Variants in INPP5F observed in about 807,000 individuals in gnomAD.
INPP5F encodes inositol polyphosphate-5-phosphatase F.
INPP5F carries 97 observed loss-of-function variants against 137.2 expected under a neutral mutation model. The observed-to-expected ratio is 0.71, with a 90% CI of 0.60 to 0.84. INPP5F has a LOEUF of 0.84. Ranked by LOEUF, INPP5F falls within the 40% of genes least tolerant of loss-of-function variation. The probability of loss-of-function intolerance (pLI) is 0.00; values close to 1 mark genes in which losing one functional copy is unlikely to be tolerated. For synonymous variants in INPP5F, 504 were observed against 476.9 expected (o/e 1.06, Z -0.74); for missense variants, 1,271 against 1,371.9 (o/e 0.93, Z 1.16).
rs773824847 is a variant in INPP5F, at chr10:119,827,777, T to A, written c.3396T>A (p.Ile1132=). ...FIQCQTRIIQ[I] is the part of the protein sequence containing the mutation. The stretch of plus-strand genomic sequence containing the variant: ...AATGCCAGACACGGATAATTCAGAT[T>A]TAGCTTTTAGCCATAAGAATCCTTC... Residue 1132 remains isoleucine (I), a synonymous_variant, in exon 20 of 20, where the codon ATT becomes ATA. Transcript: ENST00000650623. The A allele has an allele frequency of 1.3e-6, 2 of 1,588,846 alleles. No homozygotes were observed. The highest frequency in any genetic ancestry group is 2.2e-5 in the East Asian group (1 of 44,784).
In INPP5F at chr10:119,822,469, G is replaced by T; in HGVS notation, c.1997G>T (p.Arg666Leu). 2 of 1,534,174 alleles carry T rather than the reference G, an allele frequency of 1.3e-6. No individual in the cohort carries two copies. The highest frequency in any genetic ancestry group is 2.4e-5 in the South Asian group (2 of 83,604). Reference protein sequence around the residue: ...DEVDKVNQYQRLSLENLEKIE... With the variant: ...DEVDKVNQYQLLSLENLEKIE... ...GTTGATAAAGTAAACCAGTATCAACGACTAAGTCTAGAAAACCTGGAAAAA... is the reference window on the plus strand; with the variant it reads ...GTTGATAAAGTAAACCAGTATCAACTACTAAGTCTAGAAAACCTGGAAAAA... Residue 666 changes from arginine to leucine, a missense_variant, in exon 17 of 20, where the codon CGA (arginine) becomes CTA (leucine). Arg to Leu is a moderately radical substitution (Grantham distance 102). Coordinates refer to ENST00000650623, the MANE Select transcript of INPP5F (RefSeq NM_014937.4).
chr10:119,750,228 TA>T (rs1848652837), intron 1 of INPP5F, among the ~76,000 whole-genome samples: 1 of 152,240 alleles, frequency 6.6e-6, no homozygotes, highest in Non-Finnish European at 1.5e-5. Flanking sequence ...AAATAAATTG[TA>T]AATGATAATA....
chr10:119,777,146 C>T (rs1176724205), intron 2 of INPP5F, among the ~76,000 whole-genome samples: 1 of 152,114 alleles, frequency 6.6e-6, no homozygotes, highest in African/African-American at 2.4e-5. Context: ...CCTCCCTTCT[C>T]AGCCCCCCAA....
intron 2 of INPP5F, among the ~76,000 whole-genome samples, chr10:119,780,171 T>G (rs1407907774): frequency 6.6e-6 from 1 of 152,212 alleles, no homozygotes; most frequent in African/African-American, 2.4e-5. Context: ...CATCGTTGAC[T>G]GAAACATCAT....
intron 6 of INPP5F, 57 bp from the exon 7 acceptor site, chr10:119,796,658 A>T: frequency 7.5e-7 from 1 of 1,328,184 alleles, no homozygotes; most frequent in Non-Finnish European, 1.1e-6. Flanking sequence ...GTTTGGGTTT[A>T]AGAAAGTAGC....
At position 119,827,701 on chromosome 10, in the gene INPP5F, C is replaced by T; in HGVS notation, c.3320C>T (p.Pro1107Leu). ...VSKVQKSPPE[P>L]EIINQVQQNE... ...AAAGTTCAGAAGAGTCCTCCAGAAC[C>T]TGAAATCATTAATCAAGTCCAGCAA... Residue 1107 changes from proline to leucine, a missense_variant, in exon 20 of 20, where the codon CCT (proline) becomes CTT (leucine). This residue lies in a region of INPP5F where 490 missense variants were observed against 443.7 expected (regional missense o/e 1.10). Coordinates refer to ENST00000650623, the MANE Select transcript of INPP5F (RefSeq NM_014937.4). 6.2e-7 allele frequency: 1 copy of T among 1,613,752 alleles called. No individual in the cohort carries two copies. Among genetic ancestry groups the T allele is most frequent in the South Asian group, 1.1e-5 (1 of 91,062 alleles).
intron 2 of INPP5F, among the ~76,000 whole-genome samples, chr10:119,765,520 C>T (rs1468712580): frequency 6.6e-6 from 1 of 150,928 alleles, no homozygotes; most frequent in East Asian, 2.0e-4. Flanking sequence ...TACAGGTGCA[C>T]GCCATGATAC....
chr10:119,763,495 GCT>G (rs1317393253), intron 2 of INPP5F, among the ~76,000 whole-genome samples: 2 of 152,188 alleles, frequency 1.3e-5, no homozygotes, highest in Non-Finnish European at 2.9e-5. Context: ...CTGCCAAAAA[GCT>G]CTATGGTCCT....
chr10:119,736,557 AT>A (rs1318056049), intron 1 of INPP5F, among the ~76,000 whole-genome samples: 1 of 152,212 alleles, frequency 6.6e-6, no homozygotes, highest in Admixed American at 6.5e-5. Flanking sequence ...ATTCATTTCC[AT>A]CAGGTCCTCC....
intron 1 of INPP5F, among the ~76,000 whole-genome samples, chr10:119,729,149 G>A (rs1847977007): frequency 6.6e-6 from 1 of 152,004 alleles, no homozygotes; most frequent in Non-Finnish European, 1.5e-5. Context: ...GAGGGGGAAA[G>A]GGCGGGGCGG....
At chr10:119,820,125 T>C (rs1320648043) in intron 15 of INPP5F, among the ~76,000 whole-genome samples, 1 of 152,248 alleles carries the variant, frequency 6.6e-6, no homozygotes, top group Non-Finnish European at 1.5e-5. Flanking sequence ...GTTAATTATT[T>C]GTAGATTTTA....
Position 119,806,400 on chromosome 10 carries a change from T to C in INPP5F, c.1360T>C (p.Phe454Leu). ...AGVICKQEGI[F>L]RVNCMDCLDR... ...GGTAATATGTAAGCAGGAAGGGATTTTTCGTGTTAATTGTATGGACTGCCT... is the reference window on the plus strand; with the variant it reads ...GGTAATATGTAAGCAGGAAGGGATTCTTCGTGTTAATTGTATGGACTGCCT... The change falls in exon 12 of 20, where the codon TTT becomes CTT. Residue 454 changes from phenylalanine (F) to leucine (L), a missense_variant. Physicochemically the swap from Phe to Leu is conservative, Grantham distance 22 (BLOSUM62 0). Around this residue, in one of 6 missense-constraint regions of INPP5F, gnomAD observed 593 missense variants for 712.4 expected, o/e 0.83. Transcript: ENST00000650623. 1 of 1,604,126 alleles carries C rather than the reference T, an allele frequency of 6.2e-7. No individual in the cohort carries two copies.
intron 15 of INPP5F, chr10:119,816,117 C>T (rs994619456): frequency 1.3e-5 from 2 of 152,288 alleles, no homozygotes; most frequent in Admixed American, 1.3e-4. Context: ...TAATGGAAGG[C>T]ACTTAATGTC....
chr10:119,785,146 T>C (rs1380448961), intron 3 of INPP5F, among the ~76,000 whole-genome samples: 2 of 152,110 alleles, frequency 1.3e-5, no homozygotes, highest in African/African-American at 4.8e-5. Context: ...TTAGCTATTA[T>C]GAATAATGCT....
chr10:119,746,828 G>C (rs1848547913), intron 1 of INPP5F, among the ~76,000 whole-genome samples: 1 of 150,120 alleles, frequency 6.7e-6, no homozygotes, highest in Admixed American at 6.7e-5. Flanking sequence ...CTGTCGCCCA[G>C]GCTGCAGTTG....
At position 119,826,816 on chromosome 10, in the gene INPP5F, A is replaced by G. The variant is rs758504827; in HGVS notation, c.2435A>G (p.Lys812Arg). ...KLGNFTKPEM[K>R]VNFLKPNLKV... Reference sequence around the variant, plus strand: ...GGAAACTTTACCAAACCTGAAATGAAAGTTAACTTTCTAAAACCAAACTTA... The same window carrying G: ...GGAAACTTTACCAAACCTGAAATGAGAGTTAACTTTCTAAAACCAAACTTA... The change falls in exon 20 of 20, where the codon AAA (lysine) becomes AGA (arginine). Residue 812 changes from lysine to arginine, a missense_variant. Lys to Arg is a conservative substitution (Grantham distance 26). Coordinates refer to ENST00000650623, the MANE Select transcript of INPP5F (RefSeq NM_014937.4). The G allele has an allele frequency of 2.2e-5, 36 of 1,613,646 alleles. No individual in the cohort carries two copies. The highest frequency in any genetic ancestry group is 2.9e-5 in the Non-Finnish European group (34 of 1,179,892).
At position 119,826,828 on chromosome 10, in the gene INPP5F, TA is replaced by T. The variant is rs755379726; in HGVS notation, c.2451del (p.Lys817AsnfsTer4). 1.2e-6 allele frequency: 2 copies of T among 1,613,550 alleles called. No homozygotes were observed. Among genetic ancestry groups the T allele is most frequent in the South Asian group, 2.2e-5 (2 of 90,896 alleles). On this transcript the variant is annotated frameshift_variant, in exon 20 of 20. Transcript: ENST00000650623. LOFTEE classifies it high-confidence loss of function. ...FTKPEMKVNFLKPNLKVNLWK... is the reference protein window; with the variant it reads ...FTKPEMKVNFXKPNLKVNLWK... Reference sequence around the variant, plus strand: ...AAACCTGAAATGAAAGTTAACTTTCTAAAACCAAACTTAAAAGTAAATCTTT... The same window carrying T: ...AAACCTGAAATGAAAGTTAACTTTCTAAACCAAACTTAAAAGTAAATCTTT...
At chr10:119,776,867 C>T (rs1316813474) in intron 2 of INPP5F, among the ~76,000 whole-genome samples, 5 of 152,088 alleles carry the variant, frequency 3.3e-5, no homozygotes, top group Non-Finnish European at 5.9e-5. Flanking sequence ...CCTCCCACCT[C>T]AGCCTCCTGA....
chr10:119,749,632 G>A lies in INPP5F; in HGVS notation c.98-1444G>A, dbSNP rs570783193. ...TGGTTTTTGGTAGCAGCCTTGATCCGATCCATTGTATGACCTGACCATGTT... is the reference window on the plus strand; with the variant it reads ...TGGTTTTTGGTAGCAGCCTTGATCCAATCCATTGTATGACCTGACCATGTT... On this transcript the variant is annotated intron_variant, in intron 1 of 19. Transcript: ENST00000650623. 1.9e-4 allele frequency among the ~76,000 whole-genome samples: 29 copies of A among 152,274 alleles called. 1 individual carries two copies. The South Asian group carries it at 2.1e-3, about 11-fold the overall frequency.
Sources: allele counts gnomAD v4.1 joint callset (sites outside exome capture counted in the v4.1 genomes callset), GRCh38; gene constraint gnomAD v4.1.1; regional missense constraint gnomAD v4.1.1; transcripts MANE v1.5; gene names NCBI Gene and HGNC (gene_info 2026-07-23, HGNC 2026-07-21).